CDKAL1: variants seen among roughly 807,000 people sequenced by gnomAD.
CDKAL1 encodes CDKAL1 threonylcarbamoyladenosine tRNA methylthiotransferase.
A neutral mutation model predicts 68.2 loss-of-function variants in CDKAL1; 32 were observed. The observed-to-expected ratio is 0.47, with a 90% CI of 0.35 to 0.63. The LOEUF is 0.63. CDKAL1 is among the 30% of genes least tolerant of loss of function. The pLI is 0.00. For synonymous variants in CDKAL1, 234 were observed against 244.3 expected, an observed-to-expected ratio of 0.96 and a Z score of 0.39; for missense variants, 606 against 696.7, an observed-to-expected ratio of 0.87 and a Z score of 1.47.
intron 9 of CDKAL1, among the ~76,000 whole-genome samples, chr6:20,874,497 A>ATTTG (rs546477258): frequency 2.0e-5 from 3 of 150,360 alleles, no homozygotes; most frequent in Non-Finnish European, 3.0e-5. Flanking sequence ...TATTTTATTT[A>ATTTG]TTTGTTTGTT....
At chr6:20,904,050 A>G (rs1762125510) in intron 9 of CDKAL1, among the ~76,000 whole-genome samples, 1 of 152,218 alleles carries the variant, frequency 6.6e-6, no homozygotes, top group Non-Finnish European at 1.5e-5. Context: ...ACTTGGTCTA[A>G]GAGAAGCTTG....
intron 10 of CDKAL1, among the ~76,000 whole-genome samples, chr6:20,988,259 A>G (rs1766595710): frequency 7.0e-6 from 1 of 142,414 alleles, no homozygotes; most frequent in Admixed American, 7.4e-5. Flanking sequence ...ATTTTGTTTA[A>G]TTTGAGCCCT....
intron 9 of CDKAL1, among the ~76,000 whole-genome samples, chr6:20,955,114 G>A (rs1764716235): frequency 6.6e-6 from 1 of 152,286 alleles, no homozygotes; most frequent in South Asian, 2.1e-4. Context: ...TCTGAGGTGG[G>A]ACTGAGGCTT....
chr6:20,655,993 A>G (rs1769009359), intron 5 of CDKAL1, among the ~76,000 whole-genome samples: 1 of 152,176 alleles, frequency 6.6e-6, no homozygotes, highest in African/African-American at 2.4e-5. Context: ...TGAATTAGAT[A>G]TTATCTAGCT....
In CDKAL1 at chr6:20,616,839, CCACACA is replaced by C. The variant is rs756883799; in HGVS notation, c.287-32416_287-32411del. ...ACAGCATGGCGAAACCCCGACTCTA[CCACACA>C]CACACACACACACACACACACACAC... On this transcript the variant is annotated intron_variant, in intron 4 of 15. Transcript: ENST00000274695. Among the ~76,000 whole-genome samples the C allele has an allele frequency of 2.8e-3, 343 of 121,386 alleles. 1 individual carries two copies. The highest frequency in any genetic ancestry group is 9.1e-3 in the African/African-American group (283 of 31,262). 79.6% of individuals were successfully genotyped at this position (121,386 alleles called of 152,430 possible). A position where few individuals can be genotyped will look rare whatever the true frequency, so the allele number is the denominator to read the frequency against.
At chr6:20,727,574 T>C (rs1772713535) in intron 5 of CDKAL1, among the ~76,000 whole-genome samples, 1 of 152,144 alleles carries the variant, frequency 6.6e-6, no homozygotes, top group Non-Finnish European at 1.5e-5. Context: ...AAATGCAAAC[T>C]AGAGTCTTTT....
chr6:20,859,493 A>C (rs1286015921), intron 9 of CDKAL1, among the ~76,000 whole-genome samples: 1 of 152,192 alleles, frequency 6.6e-6, no homozygotes, highest in Non-Finnish European at 1.5e-5. Flanking sequence ...GAGGAACATG[A>C]AGCCTACAGA....
At chr6:20,862,798 G>A (rs1434959265) in intron 9 of CDKAL1, among the ~76,000 whole-genome samples, 1 of 152,132 alleles carries the variant, frequency 6.6e-6, no homozygotes, top group African/African-American at 2.4e-5. Context: ...AGGCTGAGGT[G>A]GGTGGATCAC....
At chr6:20,807,511 G>T (rs1039707420) in intron 8 of CDKAL1, among the ~76,000 whole-genome samples, 2 of 152,158 alleles carry the variant, frequency 1.3e-5, no homozygotes, top group African/African-American at 4.8e-5. Flanking sequence ...GCAAGCCACT[G>T]TACCCGGCCT....
intron 4 of CDKAL1, among the ~76,000 whole-genome samples, chr6:20,587,080 G>A (rs187415578): frequency 2.3e-5 from 3 of 132,312 alleles, no homozygotes; most frequent in Non-Finnish European, 4.6e-5. Context: ...TCTACCTCCC[G>A]GGTTCAAGTG....
chr6:20,871,094 T>C (rs1760187107), intron 9 of CDKAL1, among the ~76,000 whole-genome samples: 1 of 152,176 alleles, frequency 6.6e-6, no homozygotes, highest in African/African-American at 2.4e-5. Context: ...TGCTAACTGA[T>C]TGAGTGGCAT....
At chr6:20,811,202 G>A (rs1261901736) in intron 8 of CDKAL1, among the ~76,000 whole-genome samples, 3 of 152,186 alleles carry the variant, frequency 2.0e-5, no homozygotes, top group Non-Finnish European at 4.4e-5. Flanking sequence ...ATTTTTCACT[G>A]ATTTTTTAGG....
At chr6:21,220,712 G>T (rs1355908581) in intron 15 of CDKAL1, among the ~76,000 whole-genome samples, 1 of 152,172 alleles carries the variant, frequency 6.6e-6, no homozygotes, top group Non-Finnish European at 1.5e-5. Flanking sequence ...TAAAAATGAA[G>T]GTATTCAGAT....
intron 6 of CDKAL1, among the ~76,000 whole-genome samples, chr6:20,745,569 C>G (rs1437631107): frequency 1.3e-5 from 2 of 151,954 alleles, no homozygotes; most frequent in African/African-American, 4.8e-5. Context: ...TTGGCATCTT[C>G]TAATCTCACC....
rs189911301 is a variant in CDKAL1, at chr6:21,058,200, A to G, written c.1056-6848A>G. ...GTTTTATGAATCTGAGTACTCCCCTATTGGGTGCATATATATTTAGGACAG... is the reference window on the plus strand; with the variant it reads ...GTTTTATGAATCTGAGTACTCCCCTGTTGGGTGCATATATATTTAGGACAG... On this transcript the variant is annotated intron_variant, in intron 11 of 15. Coordinates refer to ENST00000274695, the MANE Select transcript of CDKAL1 (RefSeq NM_017774.3). Among the ~76,000 whole-genome samples, 101 of 152,284 alleles carry G rather than the reference A, an allele frequency of 6.6e-4. 1 individual carries two copies. Among genetic ancestry groups the G allele is most frequent in the African/African-American group, 2.3e-3 (94 of 41,554 alleles).
At chr6:21,114,258 A>C (rs906619370) in intron 13 of CDKAL1, among the ~76,000 whole-genome samples, 1 of 151,838 alleles carries the variant, frequency 6.6e-6, no homozygotes, top group Admixed American at 6.6e-5. Flanking sequence ...AAAAAAAAAA[A>C]AAAAAAAAAG....
At position 21,232,383 on chromosome 6, in the gene CDKAL1, T is replaced by G. The variant is rs1780013195; in HGVS notation, c.*1344T>G. On this transcript the variant is annotated 3_prime_UTR_variant, in exon 16 of 16. Coordinates refer to ENST00000274695, the MANE Select transcript of CDKAL1 (RefSeq NM_017774.3). ...AGTGACTTCTTTCTTTAACAATAAA[T>G]AGAATTGGTATACTAAGCAAATCCT... 6.6e-6 allele frequency: 1 copy of G among 152,234 alleles called. No homozygotes were observed. The highest frequency in any genetic ancestry group is 2.1e-4 in the South Asian group (1 of 4,828). 9.4% of individuals were successfully genotyped at this position (152,234 alleles called of 1,614,324 possible).
intron 13 of CDKAL1, among the ~76,000 whole-genome samples, chr6:21,191,587 A>G (rs1234789982): frequency 6.6e-6 from 1 of 152,122 alleles, no homozygotes; most frequent in Non-Finnish European, 1.5e-5. Flanking sequence ...GAAGAGTTCA[A>G]AGACTTCCCT....
At position 20,578,711 on chromosome 6, in the gene CDKAL1, G is replaced by A. The variant is rs1765015890; in HGVS notation, c.286+30006G>A. Among the ~76,000 whole-genome samples the A allele has an allele frequency of 1.3e-5, 2 of 152,174 alleles. 1 individual carries two copies. Among genetic ancestry groups the A allele is most frequent in the Admixed American group, 1.3e-4 (2 of 15,278 alleles). On this transcript the variant is annotated intron_variant, in intron 4 of 15. Transcript: ENST00000274695. ...ATTGTGTTTTGTGATTGTTTGTTTA[G>A]TTGTTTACTTAATTCTCTACGGCAG... is the stretch of plus-strand genomic sequence containing the variant.
Sources: allele counts gnomAD v4.1 joint callset (sites outside exome capture counted in the v4.1 genomes callset), GRCh38; gene constraint gnomAD v4.1.1; transcripts MANE v1.5; gene names NCBI Gene and HGNC (gene_info 2026-07-23, HGNC 2026-07-21).